FAH: variants seen among roughly 807,000 people sequenced by gnomAD.
The protein encoded by FAH is fumarylacetoacetate hydrolase, also known as fumarylacetoacetase.
A neutral mutation model predicts 55.8 loss-of-function variants in FAH; 47 were observed. The ratio of observed to expected loss-of-function variants is 0.84; its 90% CI spans 0.67 to 1.07. FAH has a LOEUF of 1.07. Among genes scored for constraint, FAH ranks in the 50% least tolerant of loss-of-function variants. FAH has a pLI of 0.00. For synonymous variants in FAH, 199 were observed against 207.7 expected, an observed-to-expected ratio of 0.96 and a Z score of 0.36; for missense variants, 495 against 545.9, an observed-to-expected ratio of 0.91 and a Z score of 0.93.
At chr15:80,161,730 G>A (rs2041151028) in intron 4 of FAH, among the ~76,000 whole-genome samples, 1 of 152,176 alleles carries the variant, frequency 6.6e-6, no homozygotes, top group African/African-American at 2.4e-5. Flanking sequence ...ACACATAACT[G>A]GAGCACCAGT....
intron 9 of FAH, among the ~76,000 whole-genome samples, chr15:80,174,305 C>T (rs1031209368): frequency 7.2e-5 from 11 of 152,188 alleles, no homozygotes; most frequent in African/African-American, 2.7e-4. Context: ...TCTGTGCCAG[C>T]CCTTCCCCAA....
rs770491858 is a variant in FAH at position 80,168,121 on chromosome 15, G to A, written c.525G>A (p.Arg175=). The A allele has an allele frequency of 5.0e-6, 8 of 1,614,140 alleles. No homozygotes were observed. The highest frequency in any genetic ancestry group is 4.2e-6 in the Non-Finnish European group (5 of 1,180,038). The change falls in exon 6 of 14, where the codon AGG becomes AGA. Residue 175 remains arginine, a synonymous_variant. Transcript: ENST00000561421. ...SVVVSGTPIR[R]PMGQMKPDDS... is the part of the protein sequence containing the mutation. The stretch of plus-strand genomic sequence containing the variant: ...TGGTGTCTGGCACCCCAATCCGAAG[G>A]CCCATGGGACAGATGAAACCTGATG...
intron 1 of FAH, among the ~76,000 whole-genome samples, chr15:80,155,137 C>G (rs569986284): frequency 7.9e-5 from 12 of 152,282 alleles, no homozygotes; most frequent in African/African-American, 2.9e-4. Context: ...TTAAATGTCA[C>G]CTCCTAAGCA....
At chr15:80,155,656 C>T (rs566051496) in intron 1 of FAH, among the ~76,000 whole-genome samples, 1 of 152,186 alleles carries the variant, frequency 6.6e-6, no homozygotes, top group East Asian at 1.9e-4. Context: ...ACCACTGAGA[C>T]ACAGAGACCG....
chr15:80,166,517 G>C (rs546057477), intron 5 of FAH: 2 of 151,784 alleles, frequency 1.3e-5, no homozygotes, highest in African/African-American at 2.4e-5. Context: ...GTTTACAAGA[G>C]TGTTTTATAA....
rs922605663 is a variant in FAH at position 80,169,519 on chromosome 15, TTTTTGTTTTG to T, written c.606+1223_606+1232del. On this transcript the variant is annotated intron_variant, in intron 7 of 13. Coordinates refer to ENST00000561421, the MANE Select transcript of FAH (RefSeq NM_000137.4). ...TTAGGCTGCATACTTTTTTATTTGTTTTTTGTTTTGTTTTGTTTTGTTTTGTTTTTCTGAG... is the reference window on the plus strand; with the variant it reads ...TTAGGCTGCATACTTTTTTATTTGTTTTTTGTTTTGTTTTGTTTTTCTGAG... Among the ~76,000 whole-genome samples the T allele has an allele frequency of 9.2e-5, 14 of 152,162 alleles. No individual in the cohort carries two copies. In the East Asian group the frequency reaches 9.7e-4, roughly 11 times the overall value.
chr15:80,154,597 T>A (rs1485828272), intron 1 of FAH, among the ~76,000 whole-genome samples: 1 of 152,256 alleles, frequency 6.6e-6, no homozygotes, highest in East Asian at 1.9e-4. Context: ...CCAACCGTGA[T>A]GGCTGCCTTG....
At chr15:80,178,997 T>C (rs1034703369) in intron 11 of FAH, among the ~76,000 whole-genome samples, 1 of 152,238 alleles carries the variant, frequency 6.6e-6, no homozygotes, top group Non-Finnish European at 1.5e-5. Flanking sequence ...TACACACCTT[T>C]TGGTGCACAT....
intron 12 of FAH, 124 bp downstream of exon 12, chr15:80,180,349 T>C: frequency 2.7e-6 from 2 of 734,874 alleles, no homozygotes; most frequent in Non-Finnish European, 2.4e-6. Flanking sequence ...ATCTCACAAC[T>C]CTGTCTTCCT....
Position 80,168,286 on chromosome 15 carries a change from C to T in FAH, c.576C>T (p.Ala192=). 1 of 1,611,934 alleles carries T rather than the reference C, an allele frequency of 6.2e-7. No homozygotes were observed. Among genetic ancestry groups the T allele is most frequent in the Non-Finnish European group, 8.5e-7 (1 of 1,179,968 alleles). Residue 192 remains alanine (A), a synonymous_variant, in exon 7 of 14, where the codon GCC becomes GCT. Transcript: ENST00000561421. The stretch of plus-strand genomic sequence containing the variant: ...CAGCTAAGCCTCCCGTATATGGTGC[C>T]TGCAAGCTCTTGGACATGGAGCTGG... ...PDDSKPPVYG[A]CKLLDMELEM... is the part of the protein sequence containing the mutation.
Position 80,168,145 on chromosome 15 carries a change from T to C in FAH, c.549T>C (p.Asp183=), listed in dbSNP as rs1448266336. The C allele has an allele frequency of 6.2e-7, 1 of 1,613,828 alleles. No individual in the cohort carries two copies. Among genetic ancestry groups the C allele is most frequent in the Admixed American group, 1.7e-5 (1 of 60,004 alleles). Residue 183 remains aspartate (D), a synonymous_variant, in exon 6 of 14, where the codon GAT becomes GAC. Coordinates refer to ENST00000561421, the MANE Select transcript of FAH (RefSeq NM_000137.4). ...GGCCCATGGGACAGATGAAACCTGATGACTGTGAGTGACCGCAGCGTCCAG... is the reference window on the plus strand; with the variant it reads ...GGCCCATGGGACAGATGAAACCTGACGACTGTGAGTGACCGCAGCGTCCAG... The part of the protein sequence containing the change: ...IRRPMGQMKP[D]DSKPPVYGAC...
chr15:80,168,650 T>C (rs1230606437), intron 7 of FAH, among the ~76,000 whole-genome samples: 1 of 152,236 alleles, frequency 6.6e-6, no homozygotes, highest in Non-Finnish European at 1.5e-5. Context: ...GGACAAGGTG[T>C]TACTCTGCCT....
intron 7 of FAH, among the ~76,000 whole-genome samples, chr15:80,170,363 G>C (rs2142099644): frequency 6.6e-6 from 1 of 152,340 alleles, no homozygotes. Flanking sequence ...GGAAGCCCTG[G>C]TTGGTGGAGG....
intron 1 of FAH, among the ~76,000 whole-genome samples, chr15:80,153,518 C>T (rs116213732): frequency 0.026 from 3,943 of 152,268 alleles, 165 homozygotes; most frequent in African/African-American, 0.09. Flanking sequence ...CAGGTCAGGG[C>T]TGGTGGTTCA....
chr15:80,184,892 T>TC (rs1335281527), intron 13 of FAH, among the ~76,000 whole-genome samples: 1 of 152,072 alleles, frequency 6.6e-6, no homozygotes, highest in Admixed American at 6.5e-5. Context: ...AGCTAAGATA[T>TC]CCCCCCTTCC....
rs57837512 is a variant in FAH at position 80,153,171 on chromosome 15, G to GGGAGTGGAGT, written c.81+70_81+79dup. On this transcript the variant is annotated intron_variant, in intron 1 of 13. Transcript: ENST00000561421. ...GGGCTTTGGCGTCCGGGCGCGGGGA[G>GGGAGTGGAGT]GGAGTGGAGTGGAGTGGAGTGGAGT... The GGGAGTGGAGT allele has an allele frequency of 8.8e-4, 1,095 of 1,250,006 alleles. 14 individuals carry two copies. In the African/African-American group the frequency reaches 0.015, roughly 17 times the overall value. 77.4% of individuals were successfully genotyped at this position (1,250,006 alleles called of 1,614,324 possible). A position where few individuals can be genotyped will look rare whatever the true frequency, so the allele number is the denominator to read the frequency against.
intron 1 of FAH, chr15:80,156,576 A>C (rs2041102675): frequency 6.6e-6 from 1 of 152,222 alleles, no homozygotes; most frequent in Non-Finnish European, 1.5e-5. Flanking sequence ...GGCAATGCAC[A>C]TTCATTCTCT....
Position 80,161,414 on chromosome 15 carries a change from TG to T in FAH, c.365-831del, listed in dbSNP as rs201511458. 0.024 allele frequency among the ~76,000 whole-genome samples: 3,688 copies of T among 152,280 alleles called. 289 individuals are homozygous for T. The East Asian group carries it at 0.26, about 11-fold the overall frequency. On this transcript the variant is annotated intron_variant, in intron 4 of 13. Coordinates refer to ENST00000561421, the MANE Select transcript of FAH (RefSeq NM_000137.4). ...TTCTTCCTCTCCTCACCCTTCACCA[TG>T]ACTGTTGCTAGTCTAGGCTGTTGGT...
At chr15:80,160,520 C>T (rs2041139655) in intron 4 of FAH, 61 bp downstream of exon 4, 12 of 1,538,502 alleles carry the variant, frequency 7.8e-6, no homozygotes, top group Non-Finnish European at 1.1e-5. Context: ...AGAGGGCTGG[C>T]CAGGTGCTTT....
Sources: allele counts gnomAD v4.1 joint callset (sites outside exome capture counted in the v4.1 genomes callset), GRCh38; gene constraint gnomAD v4.1.1; transcripts MANE v1.5; gene names NCBI Gene and HGNC (gene_info 2026-07-23, HGNC 2026-07-21).